Variants in HEPH observed in about 807,000 individuals in gnomAD.
HEPH encodes hephaestin.
A neutral mutation model predicts 80.8 loss-of-function variants in HEPH; 69 were observed. The observed-to-expected ratio is 0.85, with a 90% confidence interval of 0.70 to 1.04. The LOEUF is 1.04. Among genes scored for constraint, HEPH ranks in the 50% least tolerant of loss-of-function variants. The pLI is 0.00. For missense variants in HEPH, 1,115 were observed against 891.3 expected (o/e 1.25, Z -3.20); for synonymous variants, 431 against 322.8 (o/e 1.34, Z -3.60).
chrX:66,196,531 C>G (rs1320307464), intron 9 of HEPH, among the ~76,000 whole-genome samples: 2 of 111,610 alleles, frequency 1.8e-5, no homozygotes, highest in Non-Finnish European at 3.8e-5. Flanking sequence ...TTTTATAAAC[C>G]TTTCTTCAGA....
At chrX:66,186,600 C>G (rs1297192515) in intron 4 of HEPH, among the ~76,000 whole-genome samples, 1 of 112,342 alleles carries the variant, frequency 8.9e-6, no homozygotes, top group Admixed American at 9.3e-5. Context: ...CGCCCACTGT[C>G]TGGCACTCCC....
At chrX:66,167,257 A>T (rs776473142) in intron 1 of HEPH, among the ~76,000 whole-genome samples, 2 of 112,103 alleles carry the variant, frequency 1.8e-5, no homozygotes, top group South Asian at 7.5e-4. Flanking sequence ...GATGGCAGAT[A>T]TGAAAAACAC....
Position 66,266,694 on chromosome X carries a change from C to A in HEPH, c.*22C>A. On this transcript the variant is annotated 3_prime_UTR_variant, in exon 21 of 21. Transcript: ENST00000343002. ...GTAACATCTGGAGCCTGGAGATATC[C>A]TCAGGAAGCACATCTGTAGTGCACT... is the stretch of plus-strand genomic sequence containing the variant. 1 of 1,104,605 alleles carries A rather than the reference C, an allele frequency of 9.1e-7. No individual in the cohort carries two copies. The highest frequency in any genetic ancestry group is 2.2e-5 in the Admixed American group (1 of 44,978). 91.0% of individuals were successfully genotyped at this position (1,104,605 alleles called of 1,213,427 possible). A position where few individuals can be genotyped will look rare whatever the true frequency, so the allele number is the denominator to read the frequency against.
intron 4 of HEPH, among the ~76,000 whole-genome samples, chrX:66,187,694 G>A (rs2147673558): frequency 9.0e-6 from 1 of 110,861 alleles, no homozygotes; most frequent in African/African-American, 3.3e-5. Flanking sequence ...AGGGTCTGTG[G>A]GTCCTCTTGG....
intron 4 of HEPH, among the ~76,000 whole-genome samples, chrX:66,176,646 C>T (rs763582948): frequency 1.8e-5 from 2 of 111,048 alleles, no homozygotes; most frequent in African/African-American, 6.5e-5. Context: ...CTATCCCTCC[C>T]CCCTCTCCCC....
chrX:66,257,323 T>G (rs2091212546), intron 17 of HEPH, among the ~76,000 whole-genome samples: 2 of 111,771 alleles, frequency 1.8e-5, no homozygotes, highest in Admixed American at 9.5e-5. Context: ...TCCACACTCT[T>G]CAGGTATAAG....
chrX:66,231,972 G>A (rs1168706067), intron 15 of HEPH, among the ~76,000 whole-genome samples: 1 of 110,522 alleles, frequency 9.0e-6, no homozygotes, highest in African/African-American at 3.3e-5. Context: ...AATTTATTGA[G>A]AGTTTTTAGC....
intron 15 of HEPH, among the ~76,000 whole-genome samples, chrX:66,214,188 T>C (rs2147888067): frequency 8.9e-6 from 1 of 111,843 alleles, no homozygotes; most frequent in South Asian, 3.7e-4. Context: ...ATGAGATCAC[T>C]CAAGGAGTGA....
intron 9 of HEPH, 108 bp from the exon 10 acceptor site, chrX:66,197,575 C>T (rs1333060679): frequency 6.7e-6 from 4 of 594,143 alleles, no homozygotes; most frequent in Non-Finnish European, 1.1e-5. Flanking sequence ...GTTGCTGCTA[C>T]TGCTGCTCCA....
intron 15 of HEPH, among the ~76,000 whole-genome samples, chrX:66,247,871 C>G (rs986831480): frequency 3.6e-5 from 4 of 111,749 alleles, no homozygotes; most frequent in Non-Finnish European, 7.5e-5. Flanking sequence ...GCTGTATGAA[C>G]TTAAATTCAT....
chrX:66,203,212 T>A (rs1187468717), intron 12 of HEPH, 152 bp from the exon 13 acceptor site: 1 of 454,324 alleles, frequency 2.2e-6, no homozygotes, highest in African/African-American at 2.4e-5. Context: ...CTTTAAATAC[T>A]CTTTTATCTA....
chrX:66,188,057 C>T (rs1044441586), intron 4 of HEPH, among the ~76,000 whole-genome samples: 14 of 110,617 alleles, frequency 1.3e-4, no homozygotes, highest in African/African-American at 4.6e-4. Flanking sequence ...ACTTGAAGAC[C>T]AGAGGGTGGC....
chrX:66,208,146 C>T lies in HEPH; in HGVS notation c.2463C>T (p.Ile821=), dbSNP rs1309878655. The change falls in exon 15 of 21, where the codon ATC becomes ATT. Residue 821 remains isoleucine (I), a synonymous_variant. Coordinates refer to ENST00000343002, the MANE Select transcript of HEPH (RefSeq NM_001367233.3). ...GPLIKGEVGD[I]LTVVFKNNAS... is the part of the protein sequence containing the mutation. Reference sequence around the variant, plus strand: ...TTATCAAAGGTGAAGTTGGTGATATCCTGACTGTGGTATTCAAGAATAATG... The same window carrying T: ...TTATCAAAGGTGAAGTTGGTGATATTCTGACTGTGGTATTCAAGAATAATG... 2 of 1,197,168 alleles carry T rather than the reference C, an allele frequency of 1.7e-6. No homozygotes were observed. The highest frequency in any genetic ancestry group is 3.5e-5 in the African/African-American group (2 of 56,555).
downstream of HEPH, chrX:66,268,137 G>A (rs942277226): frequency 1.8e-5 from 2 of 111,454 alleles, no homozygotes; most frequent in Admixed American, 1.9e-4. Context: ...AGTTGAGCAG[G>A]GATTCATGTA....
At chrX:66,254,911 G>T (rs2091123253) in intron 15 of HEPH, 124 bp from the exon 16 acceptor site, 6 of 388,662 alleles carry the variant, frequency 1.5e-5, no homozygotes, top group Non-Finnish European at 2.7e-5. Context: ...TAAAATGATG[G>T]AGGAATGATG....
chrX:66,200,734 A>T lies in HEPH; in HGVS notation c.2059A>T (p.Met687Leu). 1.7e-6 allele frequency: 2 copies of T among 1,210,047 alleles called. No individual in the cohort carries two copies. Among genetic ancestry groups the T allele is most frequent in the Non-Finnish European group, 2.2e-6 (2 of 894,469 alleles). Residue 687 changes from methionine to leucine, a missense_variant, in exon 12 of 21, where the codon ATG (methionine) becomes TTG (leucine). Coordinates refer to ENST00000343002, the MANE Select transcript of HEPH (RefSeq NM_001367233.3). ...TCCTCATACCTTTGTCATGGCCATCATGCAGCCTGACAACCTTGGTAAGTG... is the reference window on the plus strand; with the variant it reads ...TCCTCATACCTTTGTCATGGCCATCTTGCAGCCTGACAACCTTGGTAAGTG... ...LFPHTFVMAI[M>L]QPDNLGTFEI... is the part of the protein sequence containing the mutation.
At position 66,260,171 on chromosome X, in the gene HEPH, C is replaced by T. The variant is rs2091313152; in HGVS notation, c.3108C>T (p.Ala1036=). ...CTTTTGAGGTTGTGGAGATGGTGGCCAGCAACCCTGGGACATGGCTGATGC... is the reference window on the plus strand; with the variant it reads ...CTTTTGAGGTTGTGGAGATGGTGGCTAGCAACCCTGGGACATGGCTGATGC... ...PGTFEVVEMV[A]SNPGTWLMHC... The change falls in exon 19 of 21, where the codon GCC becomes GCT. Residue 1036 remains alanine, a synonymous_variant. Transcript: ENST00000343002. 2 of 1,204,924 alleles carry T rather than the reference C, an allele frequency of 1.7e-6. No homozygotes were observed. The highest frequency in any genetic ancestry group is 1.8e-5 in the African/African-American group (1 of 56,705).
intron 4 of HEPH, among the ~76,000 whole-genome samples, chrX:66,174,697 A>T (rs1226386224): frequency 3.6e-5 from 4 of 110,603 alleles, no homozygotes; most frequent in Non-Finnish European, 5.7e-5. Flanking sequence ...TTTTTTTTTG[A>T]TTATGGTCAT....
chrX:66,250,122 G>A (rs1191440464), intron 15 of HEPH, among the ~76,000 whole-genome samples: 2 of 111,028 alleles, frequency 1.8e-5, no homozygotes, highest in Non-Finnish European at 3.8e-5. Context: ...ATTCTACATG[G>A]TTTTTTTGTT....
Sources: allele counts gnomAD v4.1 joint callset (sites outside exome capture counted in the v4.1 genomes callset), GRCh38; gene constraint gnomAD v4.1.1; transcripts MANE v1.5; gene names NCBI Gene and HGNC (gene_info 2026-07-23, HGNC 2026-07-21).